SRRM4: variants seen among roughly 807,000 people sequenced by gnomAD.
SRRM4 encodes the protein serine/arginine repetitive matrix protein 4.
In SRRM4, 33 loss-of-function variants were observed where a neutral mutation model predicts 68.9. That is an observed-to-expected ratio of 0.48 (90% CI 0.36 to 0.64). SRRM4 has a LOEUF of 0.64. Among genes scored for constraint, SRRM4 ranks in the 30% least tolerant of loss-of-function variants. The probability of loss-of-function intolerance (pLI) is 0.00; values close to 1 mark genes in which losing one functional copy is unlikely to be tolerated. For missense variants in SRRM4, 817 were observed against 827.1 expected, an observed-to-expected ratio of 0.99 and a Z score of 0.15; for synonymous variants, 318 against 318.8, an observed-to-expected ratio of 1.00 and a Z score of 0.03.
intron 1 of SRRM4, among the ~76,000 whole-genome samples, chr12:119,088,630 G>A (rs1382809854): frequency 6.6e-6 from 1 of 151,428 alleles, no homozygotes; most frequent in East Asian, 2.0e-4. Context: ...ACAAAGAGAT[G>A]CTGGAACACA....
intron 1 of SRRM4, among the ~76,000 whole-genome samples, chr12:119,007,055 T>C (rs944145925): frequency 6.6e-6 from 1 of 152,156 alleles, no homozygotes; most frequent in Admixed American, 6.5e-5. Context: ...CATTAACCCT[T>C]CCCTCCCCAG....
intron 1 of SRRM4, among the ~76,000 whole-genome samples, chr12:119,050,400 G>A (rs1953735106): frequency 6.6e-6 from 1 of 152,230 alleles, no homozygotes; most frequent in Non-Finnish European, 1.5e-5. Context: ...GCTTTCAAGG[G>A]CCTCTTGGGG....
At chr12:118,994,150 C>T (rs1358023739) in intron 1 of SRRM4, 1 of 152,122 alleles carries the variant, frequency 6.6e-6, no homozygotes, top group Non-Finnish European at 1.5e-5. Context: ...CATAGAAAGA[C>T]CCCAACTCTA....
chr12:119,065,349 C>T (rs1376220107), intron 1 of SRRM4, among the ~76,000 whole-genome samples: 1 of 152,162 alleles, frequency 6.6e-6, no homozygotes, highest in Non-Finnish European at 1.5e-5. Flanking sequence ...GAAATATCAG[C>T]CAATTTGAAT....
intron 1 of SRRM4, among the ~76,000 whole-genome samples, chr12:119,024,583 C>T (rs1387583311): frequency 6.6e-6 from 1 of 152,224 alleles, no homozygotes; most frequent in African/African-American, 2.4e-5. Flanking sequence ...TGGGTGCCCC[C>T]TCCCCTAACA....
At chr12:119,016,610 G>T (rs899299120) in intron 1 of SRRM4, among the ~76,000 whole-genome samples, 1 of 152,062 alleles carries the variant, frequency 6.6e-6, no homozygotes, top group Non-Finnish European at 1.5e-5. Flanking sequence ...TTCAACACTC[G>T]TTACCCTGGG....
chr12:118,992,002 A>G (rs1007498196), intron 1 of SRRM4: 4 of 152,370 alleles, frequency 2.6e-5, no homozygotes, highest in Admixed American at 1.3e-4. Context: ...CGTGCTTAAC[A>G]TATTGGAACC....
At position 119,154,803 on chromosome 12, in the gene SRRM4, C is replaced by T. The variant is rs1032998890; in HGVS notation, c.1532+420C>T. Among the ~76,000 whole-genome samples, 3 of 152,198 alleles carry T rather than the reference C, an allele frequency of 2.0e-5. No individual in the cohort carries two copies. Among genetic ancestry groups the T allele is most frequent in the Non-Finnish European group, 4.4e-5 (3 of 68,036 alleles). Reference sequence around the variant, plus strand: ...CCCGAGCAGCGGAGACAGACCTCTACCCTCAGACCTGTACACTCAGCTGTC... The same window carrying T: ...CCCGAGCAGCGGAGACAGACCTCTATCCTCAGACCTGTACACTCAGCTGTC... On this transcript the variant is annotated intron_variant, in intron 12 of 12. Coordinates refer to ENST00000267260, the MANE Select transcript of SRRM4 (RefSeq NM_194286.4). The surrounding 1 kb of genome is among the most constrained non-coding windows in gnomAD (Gnocchi z 4.7).
intron 8 of SRRM4, among the ~76,000 whole-genome samples, chr12:119,142,168 TA>T (rs1381259224): frequency 2.0e-5 from 3 of 152,154 alleles, no homozygotes; most frequent in Non-Finnish European, 4.4e-5. Flanking sequence ...GACCGGGCTG[TA>T]AAAAACACTG....
Position 118,982,010 on chromosome 12 carries a change from C to T in SRRM4, c.128C>T (p.Pro43Leu). The T allele has an allele frequency of 6.2e-7, 1 of 1,609,122 alleles. No individual in the cohort carries two copies. Among genetic ancestry groups the T allele is most frequent in the Non-Finnish European group, 8.5e-7 (1 of 1,177,824 alleles). ...AGTATCACGGCCCGCAAGCCGCTGCCAAGGTAATGATCTCCTTCTTAGAAG... is the reference window on the plus strand; with the variant it reads ...AGTATCACGGCCCGCAAGCCGCTGCTAAGGTAATGATCTCCTTCTTAGAAG... ...VASITARKPL[P>L]RTEPQNNPVV... Residue 43 changes from proline to leucine, a missense_variant, in exon 1 of 13, where the codon CCA (proline) becomes CTA (leucine). By Grantham distance (98) the Pro-to-Leu change is moderately conservative. Coordinates refer to ENST00000267260, the MANE Select transcript of SRRM4 (RefSeq NM_194286.4).
At position 119,038,265 on chromosome 12, in the gene SRRM4, C is replaced by T. The variant is rs184136293; in HGVS notation, c.131+56252C>T. ...TGTCGCCCAGGCTGGAGTGCAGTGG[C>T]GCCATCTCAGCTCACGGCTCACTGC... On this transcript the variant is annotated intron_variant, in intron 1 of 12. Coordinates refer to ENST00000267260, the MANE Select transcript of SRRM4 (RefSeq NM_194286.4). Among the ~76,000 whole-genome samples, 333 of 149,530 alleles carry T rather than the reference C, an allele frequency of 2.2e-3. 4 individuals carry two copies. Among genetic ancestry groups the T allele is most frequent in the African/African-American group, 7.9e-3 (322 of 40,544 alleles).
chr12:119,007,637 A>C (rs1016157886), intron 1 of SRRM4, among the ~76,000 whole-genome samples: 2 of 152,204 alleles, frequency 1.3e-5, no homozygotes, highest in African/African-American at 4.8e-5. Flanking sequence ...TTAGAGAATG[A>C]GGAAACAAAC....
chr12:119,006,271 G>A (rs983619790), intron 1 of SRRM4, among the ~76,000 whole-genome samples: 1 of 152,034 alleles, frequency 6.6e-6, no homozygotes, highest in African/African-American at 2.4e-5. Flanking sequence ...CCCTCTTTTG[G>A]TCTACCAGGA....
At chr12:119,118,944 G>A (rs1358570856) in intron 4 of SRRM4, among the ~76,000 whole-genome samples, 5 of 151,980 alleles carry the variant, frequency 3.3e-5, no homozygotes, top group African/African-American at 9.7e-5. Context: ...CTGACCTCCC[G>A]AGCACCATCC....
intron 1 of SRRM4, among the ~76,000 whole-genome samples, chr12:119,100,386 A>G (rs1039097454): frequency 6.7e-6 from 1 of 150,090 alleles, no homozygotes; most frequent in African/African-American, 2.5e-5. Flanking sequence ...GCTACTTGGG[A>G]GGTTGAGGTC....
chr12:119,050,555 T>G (rs1423939786), intron 1 of SRRM4, among the ~76,000 whole-genome samples: 2 of 152,160 alleles, frequency 1.3e-5, no homozygotes, highest in African/African-American at 4.8e-5. Flanking sequence ...TGCAGCAGAG[T>G]GTAAGACCTT....
At chr12:119,095,743 G>A (rs1193225006) in intron 1 of SRRM4, among the ~76,000 whole-genome samples, 1 of 152,080 alleles carries the variant, frequency 6.6e-6, no homozygotes, top group East Asian at 2.0e-4. Flanking sequence ...TAATTACCAA[G>A]ATTCCCCCTG....
At chr12:119,093,890 C>A (rs1251029166) in intron 1 of SRRM4, among the ~76,000 whole-genome samples, 1 of 152,116 alleles carries the variant, frequency 6.6e-6, no homozygotes, top group Non-Finnish European at 1.5e-5. Context: ...AATTGATAGG[C>A]CAGCCTGTGG....
intron 1 of SRRM4, among the ~76,000 whole-genome samples, chr12:119,006,418 C>A (rs1382843185): frequency 6.6e-6 from 1 of 152,104 alleles, no homozygotes; most frequent in African/African-American, 2.4e-5. Flanking sequence ...CCCTATGAAA[C>A]CTTTGAGGTA....
Sources: gnomAD v4.1 joint callset for allele counts (sites outside exome capture counted in the v4.1 genomes callset) on GRCh38, gnomAD v4.1.1 for gene constraint, Gnocchi (gnomAD v3.1) non-coding constraint, MANE v1.5 for transcripts, NCBI Gene and HGNC (gene_info 2026-07-23, HGNC 2026-07-21) for gene names.